PTPDC1: variants seen among roughly 807,000 people sequenced by gnomAD.
The protein encoded by PTPDC1 is protein tyrosine phosphatase domain-containing protein 1.
A neutral mutation model predicts 75.3 loss-of-function variants in PTPDC1; 53 were observed. That is an observed-to-expected ratio of 0.70 (90% CI 0.56 to 0.88). The LOEUF is 0.88. Among genes scored for constraint, PTPDC1 ranks in the 40% least tolerant of loss-of-function variants. The probability of loss-of-function intolerance (pLI) is 0.00; values close to 1 mark genes in which losing one functional copy is unlikely to be tolerated. For missense variants in PTPDC1, 925 were observed against 998.6 expected, an observed-to-expected ratio of 0.93 and a Z score of 0.99; for synonymous variants, 349 against 366.2, an observed-to-expected ratio of 0.95 and a Z score of 0.54.
intron 1 of PTPDC1, among the ~76,000 whole-genome samples, chr9:94,042,447 C>T (rs551686461): frequency 6.6e-6 from 1 of 152,218 alleles, no homozygotes; most frequent in Non-Finnish European, 1.5e-5. Context: ...ATGTGGTTTC[C>T]CAGTGCCTAT....
chr9:94,064,592 C>T, intron 1 of PTPDC1: 1 of 603,760 alleles, frequency 1.7e-6, no homozygotes, highest in East Asian at 2.8e-5. Context: ...CAGCACATCT[C>T]AACCTGACTA....
rs151121929 is a variant in PTPDC1 at position 94,038,090 on chromosome 9, G to A, written c.-7+6963G>A. On this transcript the variant is annotated intron_variant, in intron 1 of 9. Coordinates refer to the PTPDC1 transcript ENST00000375360. The stretch of plus-strand genomic sequence containing the variant: ...TCAGAAGTGTGCCCAGTGACACACC[G>A]TGGAAAAGGGAGGCAAGCATAAGAC... 140 of 549,902 alleles carry A rather than the reference G, an allele frequency of 2.5e-4. 1 individual carries two copies. In the East Asian group the frequency reaches 5.3e-3, roughly 21 times the overall value. The allele number at this position is 549,902 out of a possible 1,614,324, so 34.1% of individuals were successfully genotyped here. A position where few individuals can be genotyped will look rare whatever the true frequency, so the allele number is the denominator to read the frequency against.
intron 1 of PTPDC1, among the ~76,000 whole-genome samples, chr9:94,033,059 G>A (rs1215895257): frequency 1.3e-5 from 2 of 151,714 alleles, no homozygotes; most frequent in South Asian, 2.1e-4. Context: ...ATGGAGTTTC[G>A]CCATGTTCCC....
Position 94,098,112 on chromosome 9 carries a change from G to T in PTPDC1, c.1546G>T (p.Gly516Ter). The T allele has an allele frequency of 6.2e-7, 1 of 1,614,170 alleles. No homozygotes were observed. The highest frequency in any genetic ancestry group is 8.5e-7 in the Non-Finnish European group (1 of 1,180,020). ...TLSFWSQSKFGGLEGLKDNGS... is the reference protein window; with the variant it reads ...TLSFWSQSKF The stretch of plus-strand genomic sequence containing the variant: ...TTCTTTCTGGAGTCAGTCAAAGTTT[G>T]GAGGCCTGGAAGGACTCAAAGATAA... The change falls in exon 6 of 9, where the codon GGA becomes TGA. Residue 516 changes from glycine (G) to a stop codon, truncating the protein, a stop_gained. Coordinates refer to ENST00000620992, the MANE Select transcript of PTPDC1 (RefSeq NM_001253829.2). LOFTEE classifies it high-confidence loss of function.
intron 6 of PTPDC1, among the ~76,000 whole-genome samples, chr9:94,099,770 G>A (rs1027817944): frequency 9.2e-5 from 14 of 152,304 alleles, no homozygotes; most frequent in Middle Eastern, 3.4e-3. Context: ...TGAAAATCTC[G>A]CACCCCCACT....
chr9:94,064,491 G>A (rs868774490), intron 1 of PTPDC1, among the ~76,000 whole-genome samples: 1 of 152,126 alleles, frequency 6.6e-6, no homozygotes. Context: ...ATGAAATTTA[G>A]CATGTGTAAT....
chr9:94,088,295 A>G, intron 4 of PTPDC1, 32 bp downstream of exon 4: 4 of 1,608,078 alleles, frequency 2.5e-6, no homozygotes, highest in Non-Finnish European at 3.4e-6. Context: ...CTCATGAATT[A>G]TCAAGGGCAG....
intron 1 of PTPDC1, among the ~76,000 whole-genome samples, chr9:94,037,702 G>A (rs1366325003): frequency 6.6e-6 from 1 of 151,946 alleles, no homozygotes; most frequent in African/African-American, 2.4e-5. Flanking sequence ...CCACTTCTCT[G>A]CTCCTTTCCA....
intron 1 of PTPDC1, among the ~76,000 whole-genome samples, chr9:94,060,856 A>G (rs1185847373): frequency 6.6e-6 from 1 of 152,186 alleles, no homozygotes; most frequent in Non-Finnish European, 1.5e-5. Context: ...GGGGATTACA[A>G]TTCCACATGA....
chr9:94,070,925 T>C (rs1012468601), intron 2 of PTPDC1, among the ~76,000 whole-genome samples: 1 of 152,202 alleles, frequency 6.6e-6, no homozygotes, highest in Non-Finnish European at 1.5e-5. Flanking sequence ...CTGAAGGGTG[T>C]CTGGATTCTT....
At chr9:94,060,927 A>G (rs760958103) in intron 1 of PTPDC1, among the ~76,000 whole-genome samples, 1 of 152,092 alleles carries the variant, frequency 6.6e-6, no homozygotes, top group Non-Finnish European at 1.5e-5. Flanking sequence ...TCCAAATCTC[A>G]TGTCCTTCTC....
chr9:94,104,059 T>A (rs1461635621), intron 7 of PTPDC1, among the ~76,000 whole-genome samples: 2 of 152,258 alleles, frequency 1.3e-5, no homozygotes, highest in African/African-American at 4.8e-5. Context: ...GTACAATAGC[T>A]AGCCAGCTTT....
At chr9:94,105,268 A>G (rs1320704301) in intron 8 of PTPDC1, among the ~76,000 whole-genome samples, 1 of 152,166 alleles carries the variant, frequency 6.6e-6, no homozygotes, top group East Asian at 1.9e-4. Flanking sequence ...CTGTTTCCAG[A>G]GTCAGTAGTC....
chr9:94,072,203 G>A (rs1392724006), intron 2 of PTPDC1, among the ~76,000 whole-genome samples: 3 of 152,112 alleles, frequency 2.0e-5, no homozygotes, highest in East Asian at 1.9e-4. Context: ...AGACGGTTTC[G>A]CCATGTTGCC....
chr9:94,044,831 A>C (rs1825539468), intron 1 of PTPDC1, among the ~76,000 whole-genome samples: 1 of 151,684 alleles, frequency 6.6e-6, no homozygotes, highest in Non-Finnish European at 1.5e-5. Flanking sequence ...AGGGGGAAAC[A>C]TCAAGTCTCT....
intron 8 of PTPDC1, 46 bp from the exon 9 acceptor site, chr9:94,107,782 C>A: frequency 2.7e-6 from 3 of 1,116,288 alleles, no homozygotes; most frequent in South Asian, 1.8e-5. Flanking sequence ...GAAACTAGTT[C>A]AAATTCTTGT....
chr9:94,085,189 C>A, intron 1 of PTPDC1, 62 bp from the exon 2 acceptor site: 1 of 1,429,732 alleles, frequency 7.0e-7, no homozygotes, highest in Non-Finnish European at 9.7e-7. Flanking sequence ...GAAGCTATTT[C>A]CCATGTTACA....
At chr9:94,099,404 T>C (rs1827753837) in intron 6 of PTPDC1, among the ~76,000 whole-genome samples, 1 of 152,190 alleles carries the variant, frequency 6.6e-6, no homozygotes, top group South Asian at 2.1e-4. Flanking sequence ...TTTGAGCCCA[T>C]AACCTACTGT....
intron 2 of PTPDC1, among the ~76,000 whole-genome samples, chr9:94,086,897 T>C (rs537922955): frequency 1.3e-5 from 2 of 152,358 alleles, no homozygotes; most frequent in South Asian, 4.1e-4. Flanking sequence ...CTGGAGCCCA[T>C]ATTTGTCACC....
Sources: allele counts gnomAD v4.1 joint callset (sites outside exome capture counted in the v4.1 genomes callset), GRCh38; gene constraint gnomAD v4.1.1; transcripts MANE v1.5; gene names NCBI Gene and HGNC (gene_info 2026-07-23, HGNC 2026-07-21).